SLC4A10: variants seen among roughly 807,000 people sequenced by gnomAD.
The protein encoded by SLC4A10 is sodium-driven chloride bicarbonate exchanger.
SLC4A10 carries 42 observed loss-of-function variants against 137.7 expected under a neutral mutation model. The observed-to-expected ratio is 0.30, with a 90% CI of 0.24 to 0.39. The LOEUF is 0.39. Ranked by LOEUF, SLC4A10 falls within the 10% of genes least tolerant of loss-of-function variation. The pLI is 1.00. For missense variants in SLC4A10, 925 were observed against 1,355.0 expected, an observed-to-expected ratio of 0.68 and a Z score of 4.98; for synonymous variants, 474 against 464.1, an observed-to-expected ratio of 1.02 and a Z score of -0.27.
chr2:161,967,213 A>G (rs553056286), intron 23 of SLC4A10, among the ~76,000 whole-genome samples: 5 of 152,234 alleles, frequency 3.3e-5, no homozygotes, highest in African/African-American at 1.2e-4. Flanking sequence ...AAATGTGCCC[A>G]TTAGGTTCAT....
chr2:161,977,666 C>A (rs1488931790), intron 25 of SLC4A10, 56 bp from the exon 26 acceptor site: 1 of 1,475,240 alleles, frequency 6.8e-7, no homozygotes, highest in Non-Finnish European at 9.2e-7. Context: ...CCTTTATTTT[C>A]GTAACCTTAA....
At chr2:161,711,993 T>C (rs767167377) in intron 1 of SLC4A10, among the ~76,000 whole-genome samples, 2 of 151,906 alleles carry the variant, frequency 1.3e-5, no homozygotes, top group Non-Finnish European at 2.9e-5. Context: ...AGAGGTTGGA[T>C]GGGCTATTGG....
chr2:161,945,176 T>TTGTG lies in SLC4A10; in HGVS notation c.2103+2283_2103+2286dup, dbSNP rs10637760. 8.0e-3 allele frequency among the ~76,000 whole-genome samples: 842 copies of TTGTG among 105,396 alleles called. 48 individuals are homozygous for TTGTG. Among genetic ancestry groups the TTGTG allele is most frequent in the East Asian group, 0.07 (158 of 2,266 alleles). 69.1% of individuals were successfully genotyped at this position (105,396 alleles called of 152,430 possible). ...TTATGGCAAACTGGAGTACTTAAGT[T>TTGTG]TGTGTGTATATATATATATATATAT... On this transcript the variant is annotated intron_variant, in intron 16 of 26. Transcript: ENST00000446997.
intron 1 of SLC4A10, among the ~76,000 whole-genome samples, chr2:161,652,315 A>G (rs959623818): frequency 3.9e-5 from 6 of 152,220 alleles, no homozygotes; most frequent in Non-Finnish European, 7.3e-5. Flanking sequence ...ACGTTGGGGT[A>G]TGAGTCAATA....
intron 4 of SLC4A10, among the ~76,000 whole-genome samples, chr2:161,840,145 C>G (rs2059090402): frequency 6.6e-6 from 1 of 152,154 alleles, no homozygotes. Context: ...GCAACAGCTG[C>G]AGTCTTAAAG....
chr2:161,731,402 A>G (rs1405248104), intron 1 of SLC4A10, among the ~76,000 whole-genome samples: 1 of 152,164 alleles, frequency 6.6e-6, no homozygotes, highest in Non-Finnish European at 1.5e-5. Flanking sequence ...ATAACAATAA[A>G]CACATGTTAT....
chr2:161,936,757 A>G (rs1691654560), intron 15 of SLC4A10, among the ~76,000 whole-genome samples: 1 of 152,074 alleles, frequency 6.6e-6, no homozygotes, highest in Non-Finnish European at 1.5e-5. Flanking sequence ...CTATTGTTAG[A>G]TAGAATAGAA....
At chr2:161,761,667 C>CT (rs2050266233) in intron 1 of SLC4A10, among the ~76,000 whole-genome samples, 1 of 152,046 alleles carries the variant, frequency 6.6e-6, no homozygotes, top group Admixed American at 6.6e-5. Flanking sequence ...ACCTTTTATC[C>CT]TTTAACTAGT....
intron 26 of SLC4A10, among the ~76,000 whole-genome samples, chr2:161,982,494 C>T (rs1700351859): frequency 6.6e-6 from 1 of 152,028 alleles, no homozygotes; most frequent in Non-Finnish European, 1.5e-5. Context: ...TGAGATTAAA[C>T]AGAAATTGGT....
At chr2:161,724,228 A>G (rs1339067710) in intron 1 of SLC4A10, among the ~76,000 whole-genome samples, 1 of 152,130 alleles carries the variant, frequency 6.6e-6, no homozygotes, top group African/African-American at 2.4e-5. Flanking sequence ...CTGAGCTGCC[A>G]GAGTACTCCT....
chr2:161,850,586 T>C (rs1412039518), intron 4 of SLC4A10, among the ~76,000 whole-genome samples: 1 of 152,180 alleles, frequency 6.6e-6, no homozygotes, highest in African/African-American at 2.4e-5. Context: ...ATTGTGTTTA[T>C]CTTTATCTTC....
chr2:161,873,954 T>G lies in SLC4A10; in HGVS notation c.897T>G (p.Cys299Trp), dbSNP rs1234950167. ...GGQQKGHTSP[C>W]GMKQRHEKGP... ...AACAAAAGGGGCATACTAGTCCATGTGGGATGAAACAAAGGCATGAAAAAG... is the reference window on the plus strand; with the variant it reads ...AACAAAAGGGGCATACTAGTCCATGGGGGATGAAACAAAGGCATGAAAAAG... The change falls in exon 8 of 27, where the codon TGT (cysteine) becomes TGG (tryptophan). Residue 299 changes from cysteine to tryptophan, a missense_variant. Around this residue, in one of 11 missense-constraint regions of SLC4A10, gnomAD observed 277 missense variants for 306.1 expected, o/e 0.90. Transcript: ENST00000446997. 1.3e-6 allele frequency: 2 copies of G among 1,595,126 alleles called. No individual in the cohort carries two copies. Among genetic ancestry groups the G allele is most frequent in the East Asian group, 2.2e-5 (1 of 44,752 alleles).
chr2:161,837,137 A>G (rs2058867277), intron 3 of SLC4A10, among the ~76,000 whole-genome samples: 1 of 152,176 alleles, frequency 6.6e-6, no homozygotes, highest in Admixed American at 6.5e-5. Context: ...AAATAAATAG[A>G]GAAAGAGCTT....
chr2:161,931,025 A>C (rs1235578779), intron 15 of SLC4A10, among the ~76,000 whole-genome samples: 4 of 152,050 alleles, frequency 2.6e-5, no homozygotes, highest in Admixed American at 6.5e-5. Context: ...TCTGCTTCCC[A>C]GTTCAAACAA....
chr2:161,825,604 C>A (rs1412272798), intron 3 of SLC4A10, among the ~76,000 whole-genome samples: 1 of 152,158 alleles, frequency 6.6e-6, no homozygotes, highest in Admixed American at 6.5e-5. Flanking sequence ...TCCCCGCTCC[C>A]CTCTCATGTG....
Position 161,636,539 on chromosome 2 carries a change from C to T in SLC4A10, c.48+11973C>T, listed in dbSNP as rs184275795. 1.9e-4 allele frequency among the ~76,000 whole-genome samples: 29 copies of T among 152,102 alleles called. No homozygotes were observed. In the South Asian group the frequency reaches 5.0e-3, roughly 26 times the overall value. On this transcript the variant is annotated intron_variant, in intron 1 of 26. Transcript: ENST00000446997. ...CTTGCTGAGTAGCTAGGATTACAGG[C>T]GCCCGCCACCATATACCTGGCTAAT...
intron 23 of SLC4A10, among the ~76,000 whole-genome samples, chr2:161,970,826 T>C (rs756501385): frequency 2.0e-5 from 3 of 152,254 alleles, no homozygotes; most frequent in Non-Finnish European, 4.4e-5. Context: ...TGTAATTCGA[T>C]ATATAACACC....
intron 4 of SLC4A10, among the ~76,000 whole-genome samples, chr2:161,849,033 G>A (rs2059664156): frequency 1.3e-5 from 2 of 152,072 alleles, no homozygotes; most frequent in African/African-American, 4.8e-5. Context: ...TCCTATCCAT[G>A]AGCATGGAAT....
chr2:161,697,973 T>A lies in SLC4A10; in HGVS notation c.49-73000T>A, dbSNP rs773384917. Reference sequence around the variant, plus strand: ...GTTTTTCCATTTGTTTGTGTCCTCTTTTATTTCATTGAGCAGTGGTTTGTA... The same window carrying A: ...GTTTTTCCATTTGTTTGTGTCCTCTATTATTTCATTGAGCAGTGGTTTGTA... On this transcript the variant is annotated intron_variant, in intron 1 of 26. Coordinates refer to ENST00000446997, the MANE Select transcript of SLC4A10 (RefSeq NM_001178015.2). Among the ~76,000 whole-genome samples, 61 of 152,244 alleles carry A rather than the reference T, an allele frequency of 4.0e-4. 1 individual carries two copies. Among genetic ancestry groups the A allele is most frequent in the African/African-American group, 3.4e-4 (14 of 41,470 alleles).
Sources: gnomAD v4.1 joint callset for allele counts (sites outside exome capture counted in the v4.1 genomes callset) on GRCh38, gnomAD v4.1.1 for gene constraint, gnomAD v4.1.1 regional missense constraint, MANE v1.5 for transcripts, NCBI Gene and HGNC (gene_info 2026-07-23, HGNC 2026-07-21) for gene names.